The following GRAP2 variants were observed in gnomAD, a reference collection of about 807,000 sequenced individuals.
GRAP2 encodes GRB2 related adaptor protein 2.
In GRAP2, 31 loss-of-function variants were observed where a neutral mutation model predicts 43.5. The ratio of observed to expected loss-of-function variants is 0.71; its 90% confidence interval spans 0.54 to 0.96. The LOEUF (loss-of-function observed/expected upper bound fraction) is 0.96, where lower values mean the gene tolerates loss of function less well. Among genes scored for constraint, GRAP2 ranks in the 40% least tolerant of loss-of-function variants. GRAP2 has a pLI of 0.00. For missense variants in GRAP2, 371 were observed against 424.4 expected (o/e 0.87, Z 1.11); for synonymous variants, 156 against 164.8 (o/e 0.95, Z 0.41).
At chr22:39,956,056 G>A in intron 3 of GRAP2, 146 bp downstream of exon 3, 1 of 584,584 alleles carries the variant, frequency 1.7e-6, no homozygotes, top group East Asian at 2.8e-5. Context: ...TCCAGAGCAT[G>A]CAGCTGAAGG....
At chr22:39,947,339 A>C in intron 2 of GRAP2, 155 bp downstream of exon 2, 1 of 628,304 alleles carries the variant, frequency 1.6e-6, no homozygotes, top group Middle Eastern at 4.2e-4. Context: ...CCAGACACCA[A>C]CCAGGCCGGG....
chr22:39,912,536 G>A (rs961643706), intron 1 of GRAP2, among the ~76,000 whole-genome samples: 2 of 152,196 alleles, frequency 1.3e-5, no homozygotes, highest in Non-Finnish European at 2.9e-5. Context: ...TTTGCAGGGA[G>A]AGGTCCTACT....
chr22:39,958,375 T>TA (rs2067080884), intron 3 of GRAP2, among the ~76,000 whole-genome samples: 1 of 152,298 alleles, frequency 6.6e-6, no homozygotes, highest in African/African-American at 2.4e-5. Flanking sequence ...CCACAGCACT[T>TA]ACCATCATCT....
intron 2 of GRAP2, 58 bp downstream of exon 2, chr22:39,947,242 A>C: frequency 1.2e-6 from 1 of 825,698 alleles, no homozygotes; most frequent in Non-Finnish European, 2.2e-6. Context: ...CAGTAATCTG[A>C]CAGTCCCTGC....
At position 39,952,659 on chromosome 22, in the gene GRAP2, A is replaced by T. The variant is rs1255401779; in HGVS notation, c.79-3160A>T. ...ACTATAAAGTTTTCTGTTCTCAGCA[A>T]TCTCAAACTCAAATATGGGACACAC... On this transcript the variant is annotated intron_variant, in intron 2 of 7. Transcript: ENST00000344138. 6.6e-5 allele frequency among the ~76,000 whole-genome samples: 10 copies of T among 152,158 alleles called. 1 individual carries two copies. Among genetic ancestry groups the T allele is most frequent in the Admixed American group, 6.5e-4 (10 of 15,270 alleles).
At chr22:39,935,717 G>T (rs1359730687) in intron 1 of GRAP2, among the ~76,000 whole-genome samples, 1 of 152,132 alleles carries the variant, frequency 6.6e-6, no homozygotes, top group African/African-American at 2.4e-5. Flanking sequence ...CTGAAAAAAT[G>T]ACCAGCATTC....
intron 1 of GRAP2, among the ~76,000 whole-genome samples, chr22:39,921,198 C>G (rs1052813701): frequency 6.6e-6 from 1 of 152,188 alleles, no homozygotes; most frequent in African/African-American, 2.4e-5. Context: ...GGACCAAAAC[C>G]TCACAAGCCA....
chr22:39,968,296 C>T, intron 6 of GRAP2, 24 bp downstream of exon 6: 1 of 1,610,408 alleles, frequency 6.2e-7, no homozygotes, highest in Non-Finnish European at 8.5e-7. Flanking sequence ...AGGCAGTGGG[C>T]ACAGTACGGT....
chr22:39,946,039 T>G (rs1247562185), intron 1 of GRAP2, among the ~76,000 whole-genome samples: 1 of 152,190 alleles, frequency 6.6e-6, no homozygotes, highest in Non-Finnish European at 1.5e-5. Context: ...TTTTGTATTT[T>G]TAGTAGAGAC....
intron 1 of GRAP2, among the ~76,000 whole-genome samples, chr22:39,944,004 C>T (rs933708644): frequency 2.6e-5 from 4 of 152,046 alleles, no homozygotes; most frequent in African/African-American, 7.2e-5. Context: ...TGTGCCTGGC[C>T]GAGGGGTCTC....
chr22:39,961,094 C>T (rs899611480), intron 4 of GRAP2, among the ~76,000 whole-genome samples: 3 of 151,924 alleles, frequency 2.0e-5, no homozygotes, highest in Admixed American at 1.3e-4. Flanking sequence ...TACAGGTGCA[C>T]ACCACCACAC....
At chr22:39,899,728 A>G (rs185749191), upstream of GRAP2, among the ~76,000 whole-genome samples, 220 of 152,270 alleles carry the variant, frequency 1.4e-3, no homozygotes, top group African/African-American at 5.2e-3. Flanking sequence ...CATGCCTGTA[A>G]TCCCAGCACT....
intron 7 of GRAP2, among the ~76,000 whole-genome samples, chr22:39,970,374 C>T (rs1023239100): frequency 6.6e-6 from 1 of 152,186 alleles, no homozygotes; most frequent in African/African-American, 2.4e-5. Context: ...AGCCACCGTG[C>T]CTGGCCTGTG....
rs2067255699 is a variant in GRAP2 at position 39,972,495 on chromosome 22, G to C, written c.*1411G>C. On this transcript the variant is annotated 3_prime_UTR_variant, in exon 8 of 8. Coordinates refer to ENST00000344138, the MANE Select transcript of GRAP2 (RefSeq NM_004810.4). Reference sequence around the variant, plus strand: ...TGTGCGTGCATGCATCTGTGTGTCTGTGTGTGTGCTGAGACAGGAAAGGGG... The same window carrying C: ...TGTGCGTGCATGCATCTGTGTGTCTCTGTGTGTGCTGAGACAGGAAAGGGG... 6.6e-6 allele frequency: 1 copy of C among 152,396 alleles called. No individual in the cohort carries two copies. The highest frequency in any genetic ancestry group is 6.5e-5 in the Admixed American group (1 of 15,294). The allele number at this position is 152,396 out of a possible 1,614,324, so 9.4% of individuals were successfully genotyped here.
chr22:39,928,587 C>G (rs1197765188), intron 1 of GRAP2, among the ~76,000 whole-genome samples: 1 of 152,204 alleles, frequency 6.6e-6, no homozygotes, highest in East Asian at 1.9e-4. Flanking sequence ...TTCCTCCCCA[C>G]TTGAAAGTTG....
the GRAP2 span, among the ~76,000 whole-genome samples, chr22:39,894,422 TGGGGGGA>T: frequency 2.3e-5 from 1 of 43,956 alleles, no homozygotes; most frequent in African/African-American, 9.6e-5. Flanking sequence ...TGTTGTGGGG[TGGGGGGA>T]GGGGGGAGGG....
chr22:39,904,879 C>T (rs2066513440), intron 1 of GRAP2, among the ~76,000 whole-genome samples: 1 of 152,168 alleles, frequency 6.6e-6, no homozygotes. Context: ...TTCGTTGTTG[C>T]CTCATGGTTA....
intron 5 of GRAP2, among the ~76,000 whole-genome samples, 162 bp downstream of exon 5, chr22:39,966,320 C>T (rs995364243): frequency 9.2e-5 from 14 of 152,180 alleles, no homozygotes; most frequent in African/African-American, 2.9e-4. Flanking sequence ...ACTTCCTAGT[C>T]GTGTGACTTT....
intron 1 of GRAP2, among the ~76,000 whole-genome samples, chr22:39,934,007 G>A (rs908535973): frequency 1.1e-4 from 16 of 152,140 alleles, no homozygotes; most frequent in African/African-American, 2.7e-4. Context: ...AAAAGAGGTC[G>A]AGGAAAGCGG....
Sources: gnomAD v4.1 joint callset for allele counts (sites outside exome capture counted in the v4.1 genomes callset) on GRCh38, gnomAD v4.1.1 for gene constraint, MANE v1.5 for transcripts, NCBI Gene and HGNC (gene_info 2026-07-23, HGNC 2026-07-21) for gene names.